Variants in TTK observed in about 807,000 individuals in gnomAD.
TTK encodes dual specificity protein kinase TTK.
A neutral mutation model predicts 117.3 loss-of-function variants in TTK; 59 were observed. That is an observed-to-expected ratio of 0.50 (90% CI 0.41 to 0.62). The LOEUF is 0.62. TTK is among the 20% of genes least tolerant of loss of function. TTK has a pLI of 0.00. For synonymous variants in TTK, 302 were observed against 325.0 expected (o/e 0.93, Z 0.76); for missense variants, 921 against 989.4 (o/e 0.93, Z 0.93).
intron 4 of TTK, 85 bp downstream of exon 4, chr6:80,008,577 G>A (rs1018277646): frequency 7.9e-7 from 1 of 1,264,566 alleles, no homozygotes; most frequent in Non-Finnish European, 1.1e-6. Context: ...TATATATGAA[G>A]TGGAAATTTG....
intron 10 of TTK, among the ~76,000 whole-genome samples, chr6:80,015,102 G>A (rs1767271188): frequency 6.6e-6 from 1 of 152,128 alleles, no homozygotes; most frequent in Non-Finnish European, 1.5e-5. Context: ...AGAAGAGGGA[G>A]AAATTAAGGA....
intron 10 of TTK, among the ~76,000 whole-genome samples, chr6:80,018,143 AC>A (rs1767359735): frequency 1.3e-5 from 2 of 152,020 alleles, no homozygotes; most frequent in East Asian, 3.9e-4. Flanking sequence ...TGATCATGCC[AC>A]TGCACTCCAG....
intron 12 of TTK, among the ~76,000 whole-genome samples, chr6:80,027,018 A>G (rs904605931): frequency 8.5e-5 from 13 of 152,192 alleles, no homozygotes; most frequent in Non-Finnish European, 1.9e-4. Flanking sequence ...AAGAAGTTCG[A>G]TGATGAGTGT....
rs1269264225 is a variant in TTK, at chr6:80,011,389, G to A, written c.614-45G>A. ...TTTGTAAGATCACTTTTTTGTACTT[G>A]TCTTATTTCTTATAAATTTAATCAT... On this transcript the variant is annotated intron_variant, in intron 5 of 21. Transcript: ENST00000369798. The A allele has an allele frequency of 2.3e-6, 3 of 1,327,262 alleles. No homozygotes were observed. In the East Asian group the frequency reaches 7.2e-5, roughly 32 times the overall value. 82.2% of individuals were successfully genotyped at this position (1,327,262 alleles called of 1,614,324 possible).
chr6:80,037,199 C>T (rs562078076), intron 17 of TTK, among the ~76,000 whole-genome samples: 5 of 152,026 alleles, frequency 3.3e-5, no homozygotes, highest in African/African-American at 9.7e-5. Context: ...TCCATGTTTA[C>T]AGATTTTTGA....
chr6:80,037,900 C>CA (rs755935709), intron 17 of TTK, 67 bp from the exon 18 acceptor site: 346 of 807,424 alleles, frequency 4.3e-4, no homozygotes, highest in Middle Eastern at 8.2e-4. Context: ...ATAATAATCT[C>CA]AAAAAAAAAT....
chr6:80,008,107 A>G, intron 3 of TTK, 76 bp downstream of exon 3: 2 of 1,468,792 alleles, frequency 1.4e-6, no homozygotes, highest in Non-Finnish European at 1.8e-6. Flanking sequence ...GAAAATAAAA[A>G]ACATGGCAGT....
chr6:80,013,181 A>T, intron 8 of TTK, 98 bp from the exon 9 acceptor site: 2 of 905,130 alleles, frequency 2.2e-6, no homozygotes, highest in South Asian at 1.6e-5. Context: ...AATAAAAAGT[A>T]TGTATATTAT....
chr6:80,027,987 T>A lies in TTK; in HGVS notation c.1497T>A (p.Leu499=). The change falls in exon 13 of 22, where the codon CTT becomes CTA. Residue 499 remains leucine, a synonymous_variant. Transcript: ENST00000369798. Reference sequence around the variant, plus strand: ...TCCAGCAGCAACAGCATCAAATACTTGCCACTCCACTTCAAAATTTACAGG... The same window carrying A: ...TCCAGCAGCAACAGCATCAAATACTAGCCACTCCACTTCAAAATTTACAGG... ...ACFQQQQHQI[L]ATPLQNLQVL... 1 of 1,603,912 alleles carries A rather than the reference T, an allele frequency of 6.2e-7. No individual in the cohort carries two copies. The highest frequency in any genetic ancestry group is 8.5e-7 in the Non-Finnish European group (1 of 1,174,476).
In TTK at chr6:80,039,864, G is replaced by A. The variant is rs1411281840; in HGVS notation, c.2299G>A (p.Val767Met). ...PDIPEKDLQDVLKCCLKRDPK... is the reference protein window; with the variant it reads ...PDIPEKDLQDMLKCCLKRDPK... The stretch of plus-strand genomic sequence containing the variant: ...TATTCCAGAGAAAGATCTTCAAGAT[G>A]TGTTAAAGGTAATATTAATTTCATG... The change falls in exon 19 of 22, where the codon GTG (valine) becomes ATG (methionine). Residue 767 changes from valine (V) to methionine (M), a missense_variant. Physicochemically the swap from Val to Met is conservative, Grantham distance 21. Transcript: ENST00000369798. 3.2e-6 allele frequency: 5 copies of A among 1,550,942 alleles called. No individual in the cohort carries two copies. The highest frequency in any genetic ancestry group is 2.3e-5 in the East Asian group (1 of 42,856).
chr6:80,035,223 C>T (rs530164028), intron 15 of TTK, 43 bp from the exon 16 acceptor site: 1 of 1,550,976 alleles, frequency 6.4e-7, no homozygotes. Context: ...TTAATATAAC[C>T]TAGCCATTTA....
chr6:80,008,346 G>A, intron 3 of TTK, 40 bp from the exon 4 acceptor site: 1 of 1,573,092 alleles, frequency 6.4e-7, no homozygotes, highest in Non-Finnish European at 8.7e-7. Flanking sequence ...AAGTAGCTAT[G>A]TTCTTTTTCT....
At chr6:80,039,626 AAT>A (rs1767993567) in intron 18 of TTK, 68 bp from the exon 19 acceptor site, 1 of 1,162,436 alleles carries the variant, frequency 8.6e-7, no homozygotes, top group Non-Finnish European at 1.2e-6. Flanking sequence ...ATGTATATTT[AAT>A]ATATATGTTT....
chr6:80,039,653 A>C, intron 18 of TTK, 43 bp from the exon 19 acceptor site: 1 of 1,454,150 alleles, frequency 6.9e-7, no homozygotes, highest in Non-Finnish European at 9.1e-7. Context: ...ATTTTATATG[A>C]AAATAACAGC....
At chr6:80,013,641 G>T in intron 9 of TTK, 1 of 219,164 alleles carries the variant, frequency 4.6e-6, no homozygotes, top group Admixed American at 5.8e-5. Context: ...GCAGATAGTT[G>T]GCCTGGGTTT....
chr6:80,036,259 A>G (rs1286290987), intron 16 of TTK, among the ~76,000 whole-genome samples: 1 of 152,146 alleles, frequency 6.6e-6, no homozygotes, highest in Non-Finnish European at 1.5e-5. Context: ...CATTGATGTG[A>G]AGATTAAATG....
Position 80,008,006 on chromosome 6 carries a change from C to G in TTK, c.337C>G (p.Gln113Glu), listed in dbSNP as rs1314512247. ...YGQNESFARI[Q>E]VRFAELKAIQ... is the part of the protein sequence containing the mutation. ...CCAAAATGAGAGTTTTGCTAGAATT[C>G]AAGTGAGATTTGCTGAATTAAAAGC... is the stretch of plus-strand genomic sequence containing the variant. The change falls in exon 3 of 22, where the codon CAA becomes GAA. Residue 113 changes from glutamine (Q) to glutamate (E), a missense_variant. By Grantham distance (29) the Gln-to-Glu change is conservative. Transcript: ENST00000369798. 3.7e-6 allele frequency: 6 copies of G among 1,613,314 alleles called. No individual in the cohort carries two copies. Among genetic ancestry groups the G allele is most frequent in the Non-Finnish European group, 5.1e-6 (6 of 1,179,532 alleles).
At chr6:80,034,010 T>C (rs1327923886) in intron 14 of TTK, among the ~76,000 whole-genome samples, 2 of 152,140 alleles carry the variant, frequency 1.3e-5, no homozygotes, top group Non-Finnish European at 2.9e-5. Context: ...CCTTGGAGTA[T>C]AATGAAGGTG....
intron 13 of TTK, among the ~76,000 whole-genome samples, chr6:80,028,941 T>G (rs1343283362): frequency 6.6e-6 from 1 of 152,176 alleles, no homozygotes; most frequent in Non-Finnish European, 1.5e-5. Flanking sequence ...GGTGCCCATT[T>G]CATTATCTAT....
Sources: gnomAD v4.1 joint callset for allele counts (sites outside exome capture counted in the v4.1 genomes callset) on GRCh38, gnomAD v4.1.1 for gene constraint, MANE v1.5 for transcripts, NCBI Gene and HGNC (gene_info 2026-07-23, HGNC 2026-07-21) for gene names.